The following DPP6 variants were observed in gnomAD, a reference collection of about 807,000 sequenced individuals.
The protein encoded by DPP6 is dipeptidyl peptidase like 6.
DPP6 carries 69 observed loss-of-function variants against 122.6 expected under a neutral mutation model. The observed-to-expected ratio is 0.56, with a 90% CI of 0.46 to 0.69. DPP6 has a LOEUF of 0.69. Among genes scored for constraint, DPP6 ranks in the 30% least tolerant of loss-of-function variants. DPP6 has a pLI of 0.00. For synonymous variants in DPP6, 418 were observed against 433.1 expected, an observed-to-expected ratio of 0.97 and a Z score of 0.43; for missense variants, 928 against 1,116.9, an observed-to-expected ratio of 0.83 and a Z score of 2.41.
At chr7:154,565,428 A>T (rs1830681137) in intron 4 of DPP6, among the ~76,000 whole-genome samples, 2 of 152,242 alleles carry the variant, frequency 1.3e-5, no homozygotes, top group African/African-American at 4.8e-5. Flanking sequence ...CCCTTTAAAG[A>T]TCACTACTCA....
At chr7:154,498,536 C>T (rs1026895449) in intron 3 of DPP6, among the ~76,000 whole-genome samples, 1 of 152,100 alleles carries the variant, frequency 6.6e-6, no homozygotes, top group African/African-American at 2.4e-5. Flanking sequence ...TGGGGTTTCA[C>T]CATGTTGGCC....
the DPP6 span, among the ~76,000 whole-genome samples, chr7:153,768,823 G>C: frequency 2.0e-5 from 3 of 152,098 alleles, no homozygotes; most frequent in South Asian, 4.2e-4. Context: ...GTGGTTAAAA[G>C]CTCTTAATTT....
At chr7:153,848,369 C>A in the DPP6 span, among the ~76,000 whole-genome samples, 1 of 150,716 alleles carries the variant, frequency 6.6e-6, no homozygotes, top group Non-Finnish European at 1.5e-5. Flanking sequence ...TGGATCAATT[C>A]CCTTACACTT....
At chr7:154,885,537 G>T in intron 21 of DPP6, 96 bp from the exon 22 acceptor site, 1 of 1,478,332 alleles carries the variant, frequency 6.8e-7, no homozygotes, top group Non-Finnish European at 9.1e-7. Flanking sequence ...AACCTGCATG[G>T]AACTGGCTGC....
intron 5 of DPP6, among the ~76,000 whole-genome samples, chr7:154,589,252 A>G (rs1044020315): frequency 4.6e-5 from 7 of 152,156 alleles, no homozygotes; most frequent in African/African-American, 1.7e-4. Context: ...GTAACAGAGA[A>G]TTTTGTTTGA....
chr7:154,686,415 A>ATT (rs55835037), intron 7 of DPP6, among the ~76,000 whole-genome samples: 2,638 of 148,020 alleles, frequency 0.018, 82 homozygotes, highest in African/African-American at 0.059. Flanking sequence ...CACCATAAGG[A>ATT]TTTTTTTTTT....
chr7:154,807,667 C>T (rs1455845249), intron 16 of DPP6, among the ~76,000 whole-genome samples: 2 of 151,948 alleles, frequency 1.3e-5, no homozygotes, highest in Non-Finnish European at 2.9e-5. Flanking sequence ...ACTAAAAATA[C>T]AAAAATTAGC....
chr7:154,250,289 C>T (rs549330839), intron 1 of DPP6, among the ~76,000 whole-genome samples: 24 of 152,192 alleles, frequency 1.6e-4, no homozygotes, highest in African/African-American at 4.6e-4. Flanking sequence ...GTCTGTGGCT[C>T]GTCCTGCTAC....
intron 1 of DPP6, among the ~76,000 whole-genome samples, chr7:154,017,231 C>A (rs1432294722): frequency 6.6e-6 from 1 of 152,120 alleles, no homozygotes; most frequent in Non-Finnish European, 1.5e-5. Context: ...CCAAGCCCAG[C>A]TAATTTTTTG....
At chr7:154,267,911 C>A (rs572785106) in intron 1 of DPP6, among the ~76,000 whole-genome samples, 1 of 147,384 alleles carries the variant, frequency 6.8e-6, no homozygotes, top group South Asian at 2.2e-4. Context: ...CACGTATATG[C>A]ACACATACAT....
intron 1 of DPP6, among the ~76,000 whole-genome samples, chr7:154,405,707 G>T (rs1462554427): frequency 6.6e-6 from 1 of 152,160 alleles, no homozygotes; most frequent in African/African-American, 2.4e-5. Flanking sequence ...AACCTGGGAA[G>T]GCCCCCGGCA....
At chr7:154,366,987 G>A (rs1485354986) in intron 1 of DPP6, among the ~76,000 whole-genome samples, 1 of 152,144 alleles carries the variant, frequency 6.6e-6, no homozygotes, top group Non-Finnish European at 1.5e-5. Context: ...GATGCTCTTC[G>A]ATGTCACAGA....
chr7:153,817,977 G>T, the DPP6 span, among the ~76,000 whole-genome samples: 1 of 151,402 alleles, frequency 6.6e-6, no homozygotes, highest in African/African-American at 2.4e-5. Flanking sequence ...GTGGGGGAGG[G>T]TGAGTTACAT....
At chr7:154,014,931 T>C (rs1327498197) in intron 1 of DPP6, among the ~76,000 whole-genome samples, 2 of 152,118 alleles carry the variant, frequency 1.3e-5, no homozygotes, top group Non-Finnish European at 2.9e-5. Context: ...TGGATACTTA[T>C]TAAACTCATT....
intron 3 of DPP6, among the ~76,000 whole-genome samples, chr7:154,502,303 GT>G (rs1825318881): frequency 6.6e-6 from 1 of 152,102 alleles, no homozygotes; most frequent in Non-Finnish European, 1.5e-5. Flanking sequence ...GGCATGATTG[GT>G]TTTGAAATGT....
chr7:153,925,201 A>T (rs1296486810), intron 1 of DPP6, among the ~76,000 whole-genome samples: 1 of 152,204 alleles, frequency 6.6e-6, no homozygotes, highest in African/African-American at 2.4e-5. Flanking sequence ...TGATGAAGGG[A>T]GACCATCCGC....
the DPP6 span, among the ~76,000 whole-genome samples, chr7:153,783,223 T>A: frequency 6.6e-6 from 1 of 152,064 alleles, no homozygotes; most frequent in African/African-American, 2.4e-5. Flanking sequence ...ACTGAGCAAT[T>A]TATAAAGAAA....
chr7:154,351,059 T>A (rs1005888776), intron 1 of DPP6, among the ~76,000 whole-genome samples: 8 of 152,186 alleles, frequency 5.3e-5, no homozygotes, highest in African/African-American at 1.9e-4. Context: ...ATTTAAGGTG[T>A]TACCTAGAGA....
chr7:154,233,556 T>A (rs1195582066), intron 1 of DPP6, among the ~76,000 whole-genome samples: 1 of 152,108 alleles, frequency 6.6e-6, no homozygotes, highest in Non-Finnish European at 1.5e-5. Context: ...AAGAGGAAAT[T>A]TGGACACAGA....
Sources: allele counts gnomAD v4.1 joint callset (sites outside exome capture counted in the v4.1 genomes callset), GRCh38; gene constraint gnomAD v4.1.1; transcripts MANE v1.5; gene names NCBI Gene and HGNC (gene_info 2026-07-23, HGNC 2026-07-21).